PREPL: variants seen among roughly 807,000 people sequenced by gnomAD.
The protein encoded by PREPL is prolyl endopeptidase like.
A neutral mutation model predicts 70.6 loss-of-function variants in PREPL; 77 were observed. The observed-to-expected ratio is 1.09, with a 90% CI of 0.91 to 1.32. The LOEUF is 1.32. Ranked by LOEUF, PREPL falls within the 40% of genes most tolerant of loss-of-function variation. The pLI is 0.00. For missense variants in PREPL, 1,002 were observed against 778.2 expected, an observed-to-expected ratio of 1.29 and a Z score of -3.42; for synonymous variants, 315 against 264.8, an observed-to-expected ratio of 1.19 and a Z score of -1.84.
At chr2:44,325,740 T>C (rs1456790942) in intron 10 of PREPL, among the ~76,000 whole-genome samples, 3 of 152,164 alleles carry the variant, frequency 2.0e-5, no homozygotes, top group Admixed American at 6.5e-5. Flanking sequence ...TTAACACTTA[T>C]TTACAAGCCC....
intron 1 of PREPL, among the ~76,000 whole-genome samples, chr2:44,358,055 T>TG (rs1335873105): frequency 3.9e-5 from 6 of 152,184 alleles, no homozygotes; most frequent in African/African-American, 1.4e-4. Context: ...CCTAAATAGG[T>TG]ATCAGCTAAG....
chr2:44,327,691 G>A (rs768563323), intron 9 of PREPL, among the ~76,000 whole-genome samples: 3 of 145,732 alleles, frequency 2.1e-5, no homozygotes, highest in South Asian at 4.4e-4. Context: ...TGAAACCCCC[G>A]TCTCTCCTAA....
At position 44,339,108 on chromosome 2, in the gene PREPL, T is replaced by A. The variant is rs1459705632; in HGVS notation, c.702+39A>T. ...GTTGTTGATCGAAGTGTGACACTTC[T>A]TAACAGCCCAAATAGGAACAACGAG... is the stretch of plus-strand genomic sequence containing the variant. On this transcript the variant is annotated intron_variant, in intron 6 of 13. Coordinates refer to ENST00000409411, the MANE Select transcript of PREPL (RefSeq NM_001171613.2). The A allele has an allele frequency of 3.1e-6, 5 of 1,608,644 alleles. No individual in the cohort carries two copies. In the African/African-American group the frequency reaches 4.0e-5, roughly 13 times the overall value.
At chr2:44,361,510 G>C (rs551539861), upstream of PREPL, 3 of 153,434 alleles carry the variant, frequency 2.0e-5, no homozygotes. Flanking sequence ...GCAGCCCACA[G>C]AACGACAACT....
chr2:44,334,199 A>C (rs75141285), intron 7 of PREPL, among the ~76,000 whole-genome samples: 8,006 of 152,282 alleles, frequency 0.053, 271 homozygotes, highest in South Asian at 0.15. Flanking sequence ...GTATCTGTGT[A>C]TATTAATGGA....
At chr2:44,349,689 G>A (rs1380766560) in intron 1 of PREPL, among the ~76,000 whole-genome samples, 1 of 152,098 alleles carries the variant, frequency 6.6e-6, no homozygotes, top group African/African-American at 2.4e-5. Context: ...ACGAGGCCGG[G>A]CGCGGTGGCT....
chr2:44,342,607 A>AT, intron 4 of PREPL, 55 bp from the exon 5 acceptor site: 1 of 1,395,562 alleles, frequency 7.2e-7, no homozygotes, highest in Non-Finnish European at 9.8e-7. Context: ...CATTAAAAAA[A>AT]AAAAAAAAGC....
chr2:44,320,337 C>G lies in PREPL; in HGVS notation c.*1019G>C. 1 of 1,614,128 alleles carries G rather than the reference C, an allele frequency of 6.2e-7. No homozygotes were observed. The highest frequency in any genetic ancestry group is 1.3e-5 in the African/African-American group (1 of 75,042). ...CCACTATGTTGTGTACACAAGAGAG[C>G]TGGATGGCATCGACAGAATCTTTAT... On this transcript the variant is annotated 3_prime_UTR_variant, in exon 14 of 14. Coordinates refer to ENST00000409411, the MANE Select transcript of PREPL (RefSeq NM_001171613.2).
intron 4 of PREPL, among the ~76,000 whole-genome samples, chr2:44,342,773 AT>A (rs1280336731): frequency 6.6e-6 from 1 of 152,180 alleles, no homozygotes; most frequent in African/African-American, 2.4e-5. Context: ...TCAAGTAGTT[AT>A]CAGTCTCAGG....
Position 44,318,786 on chromosome 2 carries a change from C to A in PREPL, c.*2570G>T, listed in dbSNP as rs1277067211. On this transcript the variant is annotated 3_prime_UTR_variant, in exon 14 of 14. Transcript: ENST00000409411. The stretch of plus-strand genomic sequence containing the variant: ...AATCAGGCTTGGAAGTATTTAATAG[C>A]AGACAAAATATAGTTCAATATGAAA... 1 of 151,932 alleles carries A rather than the reference C, an allele frequency of 6.6e-6. No individual in the cohort carries two copies. Among genetic ancestry groups the A allele is most frequent in the Non-Finnish European group, 1.5e-5 (1 of 67,974 alleles). 9.4% of individuals were successfully genotyped at this position (151,932 alleles called of 1,614,324 possible).
rs181646892 is a variant in PREPL, at chr2:44,338,255, G to C, written c.888+96C>G. On this transcript the variant is annotated intron_variant, in intron 7 of 13. Transcript: ENST00000409411. ...TAAGTTACATTCCTTTCAAGAAAAA[G>C]AACACTGCTGCCACTATTCAAAATG... 2,244 of 1,163,718 alleles carry C rather than the reference G, an allele frequency of 1.9e-3. 5 individuals are homozygous for C. Among genetic ancestry groups the C allele is most frequent in the Non-Finnish European group, 2.2e-3 (1,796 of 833,668 alleles). The allele number at this position is 1,163,718 out of a possible 1,614,324, so 72.1% of individuals were successfully genotyped here.
intron 13 of PREPL, 189 bp downstream of exon 13, chr2:44,321,638 G>C (rs763720338): frequency 5.3e-6 from 8 of 1,496,524 alleles, no homozygotes; most frequent in Non-Finnish European, 1.8e-6. Flanking sequence ...CAGAGCTCAC[G>C]TATCAAGTAC....
Position 44,320,130 on chromosome 2 carries a change from T to A in PREPL, c.*1226A>T, listed in dbSNP as rs1344130438. On this transcript the variant is annotated 3_prime_UTR_variant, in exon 14 of 14. Coordinates refer to ENST00000409411, the MANE Select transcript of PREPL (RefSeq NM_001171613.2). ...GTTTTGGGTAAATAACTCCTTACAATATATTAAAAATACTTACAAACAATT... is the reference window on the plus strand; with the variant it reads ...GTTTTGGGTAAATAACTCCTTACAAAATATTAAAAATACTTACAAACAATT... The A allele has an allele frequency of 1.4e-5, 19 of 1,370,374 alleles. No homozygotes were observed. The highest frequency in any genetic ancestry group is 1.9e-5 in the Non-Finnish European group (19 of 990,006). The allele number at this position is 1,370,374 out of a possible 1,614,324, so 84.9% of individuals were successfully genotyped here. A position where few individuals can be genotyped will look rare whatever the true frequency, so the allele number is the denominator to read the frequency against.
At chr2:44,339,109 TAAC>T in intron 6 of PREPL, 35 bp downstream of exon 6, 1 of 1,608,872 alleles carries the variant, frequency 6.2e-7, no homozygotes, top group Non-Finnish European at 8.5e-7. Context: ...TGACACTTCT[TAAC>T]AGCCCAAATA....
chr2:44,361,766 C>T, upstream of PREPL: 1 of 576,756 alleles, frequency 1.7e-6, no homozygotes, highest in African/African-American at 1.9e-5. Flanking sequence ...CTCTCTCATC[C>T]TCTGGTCCGC....
intron 5 of PREPL, among the ~76,000 whole-genome samples, chr2:44,340,591 T>A (rs922539860): frequency 2.6e-5 from 4 of 152,170 alleles, no homozygotes; most frequent in Admixed American, 2.6e-4. Flanking sequence ...TTTTAAACTT[T>A]GAATGTAGCT....
At chr2:44,347,081 A>T (rs1380480135) in intron 1 of PREPL, 1 of 152,312 alleles carries the variant, frequency 6.6e-6, no homozygotes, top group Admixed American at 6.5e-5. Flanking sequence ...CTGTAACCCC[A>T]GCATTTTGGG....
At chr2:44,339,675 A>G (rs1020397081) in intron 5 of PREPL, among the ~76,000 whole-genome samples, 1 of 152,216 alleles carries the variant, frequency 6.6e-6, no homozygotes. Flanking sequence ...ACTTTATTAC[A>G]TATCTATGCA....
intron 13 of PREPL, 104 bp from the exon 14 acceptor site, chr2:44,321,549 G>A: frequency 6.6e-7 from 1 of 1,510,484 alleles, no homozygotes. Flanking sequence ...CGTGAAGTCA[G>A]CAATTTATGG....
Sources: gnomAD v4.1 joint callset for allele counts (sites outside exome capture counted in the v4.1 genomes callset) on GRCh38, gnomAD v4.1.1 for gene constraint, MANE v1.5 for transcripts, NCBI Gene and HGNC (gene_info 2026-07-23, HGNC 2026-07-21) for gene names.